The following GRID2 variants were observed in gnomAD, a reference collection of about 807,000 sequenced individuals.
GRID2 encodes glutamate receptor ionotropic, delta-2.
GRID2 carries 33 observed loss-of-function variants against 114.8 expected under a neutral mutation model. The ratio of observed to expected loss-of-function variants is 0.29; its 90% CI spans 0.22 to 0.38. The LOEUF is 0.38. Ranked by LOEUF, GRID2 falls within the 10% of genes least tolerant of loss-of-function variation. The pLI is 1.00. For missense variants in GRID2, 1,184 were observed against 1,257.7 expected (o/e 0.94, Z 0.89); for synonymous variants, 505 against 449.9 (o/e 1.12, Z -1.55).
At chr4:92,352,045 G>A (rs1273998337) in intron 1 of GRID2, among the ~76,000 whole-genome samples, 1 of 151,768 alleles carries the variant, frequency 6.6e-6, no homozygotes, top group Non-Finnish European at 1.5e-5. Context: ...GGATCATATG[G>A]TAGTTTATTT....
At chr4:93,126,808 A>G (rs1013020589) in intron 4 of GRID2, among the ~76,000 whole-genome samples, 6 of 151,642 alleles carry the variant, frequency 4.0e-5, no homozygotes, top group Non-Finnish European at 1.5e-5. Flanking sequence ...CGTGTTAGCC[A>G]GGATGGTCTC....
At chr4:92,866,723 T>C (rs986924329) in intron 2 of GRID2, among the ~76,000 whole-genome samples, 5 of 151,852 alleles carry the variant, frequency 3.3e-5, no homozygotes, top group Non-Finnish European at 7.4e-5. Context: ...TTTTTTTTTT[T>C]TGTACTTTTT....
At chr4:92,316,293 T>C (rs536750205) in intron 1 of GRID2, among the ~76,000 whole-genome samples, 1 of 152,274 alleles carries the variant, frequency 6.6e-6, no homozygotes, top group South Asian at 2.1e-4. Flanking sequence ...CCATTATACA[T>C]TTCTTCTTAA....
chr4:93,574,605 T>A (rs535798337), intron 13 of GRID2, among the ~76,000 whole-genome samples: 3 of 152,184 alleles, frequency 2.0e-5, no homozygotes, highest in East Asian at 3.9e-4. Flanking sequence ...AACCTTCAGA[T>A]CTTGTGAGAC....
intron 13 of GRID2, among the ~76,000 whole-genome samples, chr4:93,597,214 G>C (rs1368953621): frequency 1.3e-5 from 2 of 152,062 alleles, no homozygotes; most frequent in South Asian, 2.1e-4. Flanking sequence ...ACCTCCCAAA[G>C]TCAGCTATTT....
chr4:93,705,768 T>C (rs6532430), intron 14 of GRID2, among the ~76,000 whole-genome samples: 134,451 of 152,194 alleles, frequency 0.88, 59,394 homozygotes, highest in East Asian at 0.98. Flanking sequence ...AGACCAATGT[T>C]ATAGAGTTTT....
intron 2 of GRID2, among the ~76,000 whole-genome samples, chr4:92,720,024 T>A (rs1735736476): frequency 6.6e-6 from 1 of 152,110 alleles, no homozygotes; most frequent in Non-Finnish European, 1.5e-5. Context: ...AATTAAGTGA[T>A]AACATAAATA....
At chr4:92,667,184 G>T (rs562196525) in intron 2 of GRID2, among the ~76,000 whole-genome samples, 1 of 151,716 alleles carries the variant, frequency 6.6e-6, no homozygotes, top group Non-Finnish European at 1.5e-5. Context: ...TTCTAAATAA[G>T]TTACATGGGA....
intron 1 of GRID2, among the ~76,000 whole-genome samples, chr4:92,338,914 G>A (rs935022125): frequency 6.6e-6 from 1 of 151,992 alleles, no homozygotes; most frequent in African/African-American, 2.4e-5. Context: ...TTTTACAGGA[G>A]GTGTGGCAAT....
At chr4:92,486,838 T>C (rs1271483588) in intron 1 of GRID2, among the ~76,000 whole-genome samples, 1 of 151,988 alleles carries the variant, frequency 6.6e-6, no homozygotes, top group Non-Finnish European at 1.5e-5. Flanking sequence ...GCTTAACATC[T>C]CTAAAAAATT....
chr4:92,540,043 G>A (rs1442762185), intron 1 of GRID2, among the ~76,000 whole-genome samples: 3 of 152,060 alleles, frequency 2.0e-5, no homozygotes, highest in East Asian at 3.9e-4. Context: ...CAAGAAATGG[G>A]GAAAGGATTC....
At chr4:92,881,180 G>A (rs1745984409) in intron 2 of GRID2, among the ~76,000 whole-genome samples, 1 of 152,196 alleles carries the variant, frequency 6.6e-6, no homozygotes, top group Non-Finnish European at 1.5e-5. Context: ...GGGGATTACA[G>A]GCGTGAGCCA....
chr4:92,972,394 T>C (rs887201500), intron 2 of GRID2, among the ~76,000 whole-genome samples: 7 of 152,004 alleles, frequency 4.6e-5, no homozygotes, highest in Non-Finnish European at 1.0e-4. Flanking sequence ...TGTAGAAATA[T>C]AGAGTAAAAT....
At chr4:93,240,745 T>C (rs760394457) in intron 8 of GRID2, among the ~76,000 whole-genome samples, 6 of 151,350 alleles carry the variant, frequency 4.0e-5, no homozygotes, top group Non-Finnish European at 8.9e-5. Flanking sequence ...TAAGGTCTTT[T>C]ATCTATCTAG....
At chr4:93,656,234 A>C (rs2149729016) in intron 14 of GRID2, among the ~76,000 whole-genome samples, 1 of 152,116 alleles carries the variant, frequency 6.6e-6, no homozygotes, top group East Asian at 1.9e-4. Context: ...GTTTCTATTT[A>C]ATGTATTAGA....
intron 2 of GRID2, among the ~76,000 whole-genome samples, chr4:92,807,981 TAATTA>T (rs1178203682): frequency 1.3e-5 from 2 of 152,006 alleles, no homozygotes; most frequent in Non-Finnish European, 2.9e-5. Flanking sequence ...TTTACGGATA[TAATTA>T]AATTGAGGAT....
chr4:93,615,420 A>T (rs935939435), intron 13 of GRID2, among the ~76,000 whole-genome samples: 5 of 152,198 alleles, frequency 3.3e-5, no homozygotes, highest in African/African-American at 1.2e-4. Flanking sequence ...GCTAGATTCT[A>T]AAGTTACAGT....
At chr4:93,145,753 C>CTCAA (rs1180685869) in intron 4 of GRID2, among the ~76,000 whole-genome samples, 9 of 132,816 alleles carry the variant, frequency 6.8e-5, no homozygotes, top group African/African-American at 2.5e-4. Flanking sequence ...GCCTGGACCT[C>CTCAA]TCAAAATTGT....
intron 2 of GRID2, among the ~76,000 whole-genome samples, chr4:92,660,355 A>G (rs981633579): frequency 6.6e-6 from 1 of 151,288 alleles, no homozygotes; most frequent in Non-Finnish European, 1.5e-5. Flanking sequence ...GCTGGGTCAG[A>G]TTATAAAAGG....
Sources: gnomAD v4.1 joint callset for allele counts (sites outside exome capture counted in the v4.1 genomes callset) on GRCh38, gnomAD v4.1.1 for gene constraint, MANE v1.5 for transcripts, NCBI Gene and HGNC (gene_info 2026-07-23, HGNC 2026-07-21) for gene names.